The following LRRC63 variants were observed in gnomAD, a reference collection of about 807,000 sequenced individuals.
The protein encoded by LRRC63 is leucine rich repeat containing 63, also known as leucine-rich repeat-containing protein 63.
A neutral mutation model predicts 49.5 loss-of-function variants in LRRC63; 40 were observed. The observed-to-expected ratio is 0.81, with a 90% CI of 0.63 to 1.05. The LOEUF is 1.05. Among genes scored for constraint, LRRC63 ranks in the 50% least tolerant of loss-of-function variants. The pLI, the probability that LRRC63 is intolerant of heterozygous loss-of-function variation, is 0.00. For missense variants in LRRC63, 636 were observed against 663.1 expected (o/e 0.96, Z 0.45); for synonymous variants, 191 against 221.1 (o/e 0.86, Z 1.21).
At chr13:46,260,268 G>A (rs915803052) in intron 7 of LRRC63, among the ~76,000 whole-genome samples, 1 of 152,182 alleles carries the variant, frequency 6.6e-6, no homozygotes, top group Non-Finnish European at 1.5e-5. Context: ...AAAATGATAT[G>A]ATATTGAATT....
At chr13:46,242,008 C>G (rs531708198) in intron 5 of LRRC63, among the ~76,000 whole-genome samples, 1 of 152,134 alleles carries the variant, frequency 6.6e-6, no homozygotes, top group South Asian at 2.1e-4. Context: ...ATTATAGGGA[C>G]ACATGCGTAT....
At chr13:46,261,829 GC>G in intron 7 of LRRC63, 79 bp from the exon 8 acceptor site, 1 of 404,522 alleles carries the variant, frequency 2.5e-6, no homozygotes. Context: ...CTATACTCCT[GC>G]CTACTTACTC....
chr13:46,274,560 G>C (rs1408653175), intron 9 of LRRC63, among the ~76,000 whole-genome samples: 1 of 152,162 alleles, frequency 6.6e-6, no homozygotes, highest in Admixed American at 6.5e-5. Context: ...TATCATTGCT[G>C]TCTGCCTCTC....
chr13:46,256,235 TAAG>T (rs1263035177), intron 7 of LRRC63, among the ~76,000 whole-genome samples: 4 of 152,184 alleles, frequency 2.6e-5, no homozygotes, highest in African/African-American at 9.7e-5. Context: ...CAGAGTGTAT[TAAG>T]AAGGACAAAG....
At chr13:46,267,417 C>G (rs10507540) in intron 9 of LRRC63, among the ~76,000 whole-genome samples, 12,804 of 152,212 alleles carry the variant, frequency 0.084, 861 homozygotes, top group African/African-American at 0.18. Context: ...GAATCATTGC[C>G]TAATCTCAAG....
chr13:46,213,349 T>C (rs1031249654), intron 2 of LRRC63, among the ~76,000 whole-genome samples: 2 of 152,230 alleles, frequency 1.3e-5, no homozygotes, highest in African/African-American at 2.4e-5. Flanking sequence ...AACCCCAGAA[T>C]TGGTACTCAA....
chr13:46,255,408 A>C (rs962454169), intron 7 of LRRC63, among the ~76,000 whole-genome samples: 5 of 152,140 alleles, frequency 3.3e-5, no homozygotes, highest in African/African-American at 1.2e-4. Context: ...TGGCACACTT[A>C]ACAATGGCTA....
At chr13:46,226,737 C>G (rs1401358255) in intron 2 of LRRC63, among the ~76,000 whole-genome samples, 2 of 152,112 alleles carry the variant, frequency 1.3e-5, no homozygotes, top group Non-Finnish European at 2.9e-5. Context: ...TCTAGCAATC[C>G]CATATAGACA....
intron 9 of LRRC63, among the ~76,000 whole-genome samples, chr13:46,275,252 G>T (rs1245070794): frequency 6.6e-6 from 1 of 152,054 alleles, no homozygotes; most frequent in African/African-American, 2.4e-5. Context: ...TCCATATCTT[G>T]GCGATTGTGA....
In LRRC63 at chr13:46,245,885, G is replaced by T. The variant is rs142097056; in HGVS notation, c.991-642G>T. On this transcript the variant is annotated intron_variant, in intron 5 of 9. Coordinates refer to ENST00000595396, the Ensembl canonical transcript of LRRC63. The stretch of plus-strand genomic sequence containing the variant: ...ATTGATTGAAATAATTCTGTCACAC[G>T]TGTAATACTACACTTATCACATACA... Among the ~76,000 whole-genome samples the T allele has an allele frequency of 9.2e-5, 14 of 152,254 alleles. No homozygotes were observed. The East Asian group carries it at 2.5e-3, about 27-fold the overall frequency.
At chr13:46,223,594 G>A (rs952002014) in intron 2 of LRRC63, among the ~76,000 whole-genome samples, 4 of 151,494 alleles carry the variant, frequency 2.6e-5, no homozygotes, top group Non-Finnish European at 4.4e-5. Context: ...AGTGGCTCAC[G>A]CCTGTAATCC....
At chr13:46,266,807 C>A (rs2047690082) in exon 9 of LRRC63, 1 of 1,549,952 alleles carries the variant, frequency 6.5e-7, no homozygotes, top group African/African-American at 1.4e-5. Flanking sequence ...CTTAACCTGA[C>A]AAAAATTCAG....
intron 5 of LRRC63, among the ~76,000 whole-genome samples, chr13:46,242,497 C>T (rs2047092202): frequency 6.6e-6 from 1 of 152,010 alleles, no homozygotes; most frequent in Non-Finnish European, 1.5e-5. Flanking sequence ...ACCTAGAAAA[C>T]ATATTTAAGG....
chr13:46,246,060 C>T (rs575610619), intron 5 of LRRC63, among the ~76,000 whole-genome samples: 9 of 152,130 alleles, frequency 5.9e-5, no homozygotes, highest in African/African-American at 1.9e-4. Context: ...TGATAGCAAG[C>T]GAGTTCTCAT....
chr13:46,235,816 A>T (rs139434356), intron 5 of LRRC63, among the ~76,000 whole-genome samples: 7 of 152,258 alleles, frequency 4.6e-5, no homozygotes, highest in African/African-American at 1.7e-4. Context: ...GACTTACTGG[A>T]AAAAGGACCT....
At chr13:46,267,506 T>C (rs2047699558) in intron 9 of LRRC63, among the ~76,000 whole-genome samples, 1 of 152,220 alleles carries the variant, frequency 6.6e-6, no homozygotes, top group Non-Finnish European at 1.5e-5. Flanking sequence ...AGAAGACGAT[T>C]TTCATTGAAT....
intron 6 of LRRC63, among the ~76,000 whole-genome samples, chr13:46,249,008 T>C (rs867103602): frequency 4.6e-5 from 7 of 151,796 alleles, no homozygotes; most frequent in South Asian, 2.1e-4. Context: ...TTCACAAATA[T>C]ATGGAAATTA....
At chr13:46,235,760 A>T (rs988216183) in intron 5 of LRRC63, among the ~76,000 whole-genome samples, 1 of 152,170 alleles carries the variant, frequency 6.6e-6, no homozygotes, top group Admixed American at 6.5e-5. Flanking sequence ...CATGCTTATG[A>T]ACTACTAAAG....
At position 46,249,575 on chromosome 13, in the gene LRRC63, A is replaced by G. The variant is rs542967120; in HGVS notation, c.1090-780A>G. The stretch of plus-strand genomic sequence containing the variant: ...GACACAAGAAAGGTCTTTAGAAAAT[A>G]TGAATGGCTCCATGATCTTAAAAAT... On this transcript the variant is annotated intron_variant, in intron 6 of 9. Coordinates refer to ENST00000595396, the Ensembl canonical transcript of LRRC63. 2.0e-5 allele frequency among the ~76,000 whole-genome samples: 3 copies of G among 152,020 alleles called. No homozygotes were observed. In the East Asian group the frequency reaches 5.8e-4, roughly 29 times the overall value.
Sources: gnomAD v4.1 joint callset for allele counts (sites outside exome capture counted in the v4.1 genomes callset) on GRCh38, gnomAD v4.1.1 for gene constraint, MANE v1.5 for transcripts, NCBI Gene and HGNC (gene_info 2026-07-23, HGNC 2026-07-21) for gene names.